The following APBA1 variants were observed in gnomAD, a reference collection of about 807,000 sequenced individuals.
The protein encoded by APBA1 is amyloid beta precursor protein binding family A member 1.
A neutral mutation model predicts 86.6 loss-of-function variants in APBA1; 55 were observed. The ratio of observed to expected loss-of-function variants is 0.64; its 90% confidence interval spans 0.51 to 0.80. APBA1 has a LOEUF of 0.80. Ranked by LOEUF, APBA1 falls within the 30% of genes least tolerant of loss-of-function variation. The pLI is 0.00. For missense variants in APBA1, 1,090 were observed against 1,183.0 expected (o/e 0.92, Z 1.15); for synonymous variants, 511 against 493.9 (o/e 1.03, Z -0.46).
In APBA1 at chr9:69,626,902, G is replaced by GAA. The variant is rs11380646; in HGVS notation, c.-70+45249_-70+45250dup. ...CAGTGGGAGAAGAGTAGCACCTACA[G>GAA]AAAAAAAAAAAAAACTTGGACAATT... On this transcript the variant is annotated intron_variant, in intron 1 of 12. Transcript: ENST00000265381. Among the ~76,000 whole-genome samples, 759 of 120,618 alleles carry GAA rather than the reference G, an allele frequency of 6.3e-3. 5 individuals are homozygous for GAA. The highest frequency in any genetic ancestry group is 0.014 in the Middle Eastern group (3 of 212). 79.1% of individuals were successfully genotyped at this position (120,618 alleles called of 152,430 possible).
chr9:69,596,722 C>T (rs921222483), intron 1 of APBA1, among the ~76,000 whole-genome samples: 1 of 152,190 alleles, frequency 6.6e-6, no homozygotes, highest in Non-Finnish European at 1.5e-5. Context: ...GCCACATATC[C>T]AACTAAATAT....
intron 1 of APBA1, among the ~76,000 whole-genome samples, chr9:69,575,308 T>TC (rs1325050468): frequency 2.6e-5 from 4 of 152,060 alleles, no homozygotes; most frequent in African/African-American, 4.8e-5. Flanking sequence ...TTCAATGCCA[T>TC]CCCCATCAAG....
chr9:69,441,260 G>C, intron 10 of APBA1, 145 bp from the exon 11 acceptor site: 1 of 994,090 alleles, frequency 1.0e-6, no homozygotes, highest in South Asian at 1.7e-5. Flanking sequence ...TCTGGTGCCT[G>C]GGCTGGTACA....
intron 2 of APBA1, among the ~76,000 whole-genome samples, chr9:69,503,953 C>T (rs1835915829): frequency 6.6e-6 from 1 of 152,064 alleles, no homozygotes; most frequent in Admixed American, 6.5e-5. Context: ...GAAGAGCAAT[C>T]CTCTGGTAGT....
At chr9:69,476,277 T>TAA (rs1835445153) in intron 2 of APBA1, 134 bp from the exon 3 acceptor site, 1 of 608,584 alleles carries the variant, frequency 1.6e-6, no homozygotes, top group Admixed American at 3.1e-5. Flanking sequence ...GAAAACCTCT[T>TAA]AAAAAGGAGC....
At chr9:69,457,228 C>A (rs1835114528) in intron 6 of APBA1, 89 bp from the exon 7 acceptor site, 1 of 954,536 alleles carries the variant, frequency 1.0e-6, no homozygotes, top group East Asian at 2.4e-5. Context: ...CACAGAGGCA[C>A]CACGACACAG....
intron 1 of APBA1, among the ~76,000 whole-genome samples, chr9:69,631,962 G>A (rs549129102): frequency 5.3e-5 from 8 of 152,080 alleles, no homozygotes; most frequent in Admixed American, 2.6e-4. Flanking sequence ...ATGAGTTAAC[G>A]GGTGCAGCAA....
chr9:69,560,247 C>T (rs1836928153), intron 1 of APBA1, among the ~76,000 whole-genome samples: 1 of 152,104 alleles, frequency 6.6e-6, no homozygotes, highest in African/African-American at 2.4e-5. Context: ...TTCTTTTGAT[C>T]TTTATTATGA....
intron 2 of APBA1, among the ~76,000 whole-genome samples, chr9:69,514,006 A>G (rs1224409321): frequency 6.6e-6 from 1 of 152,228 alleles, no homozygotes; most frequent in African/African-American, 2.4e-5. Context: ...GGAAAGGGAG[A>G]GTAGAAGCAG....
chr9:69,482,929 T>C (rs1835540676), intron 2 of APBA1, among the ~76,000 whole-genome samples: 1 of 124,240 alleles, frequency 8.0e-6, no homozygotes, highest in East Asian at 2.4e-4. Context: ...TGAGATCGCA[T>C]GGACACAGGA....
intron 1 of APBA1, among the ~76,000 whole-genome samples, chr9:69,568,512 C>T (rs1228863784): frequency 1.3e-5 from 2 of 152,224 alleles, no homozygotes. Context: ...AACCAACCTT[C>T]CCCCAGGCTT....
At chr9:69,450,509 G>C (rs2133807386) in intron 9 of APBA1, among the ~76,000 whole-genome samples, 1 of 152,218 alleles carries the variant, frequency 6.6e-6, no homozygotes, top group African/African-American at 2.4e-5. Flanking sequence ...TGTATTTTTG[G>C]GGGGCTTGAC....
At chr9:69,645,773 G>A (rs76063094) in intron 1 of APBA1, among the ~76,000 whole-genome samples, 6,373 of 152,270 alleles carry the variant, frequency 0.042, 481 homozygotes, top group African/African-American at 0.14. Context: ...GACAGGTCAC[G>A]TGGCATCGAG....
intron 1 of APBA1, among the ~76,000 whole-genome samples, chr9:69,522,001 C>T (rs1311776105): frequency 1.3e-5 from 2 of 151,620 alleles, no homozygotes; most frequent in Non-Finnish European, 2.9e-5. Context: ...CCTTTGTGCC[C>T]GCTGTGCTTT....
intron 2 of APBA1, among the ~76,000 whole-genome samples, chr9:69,492,884 G>A (rs993308262): frequency 6.6e-6 from 1 of 152,020 alleles, no homozygotes; most frequent in Non-Finnish European, 1.5e-5. Flanking sequence ...AGAAATTCAT[G>A]GTAATGAAGG....
rs142682234 is a variant in APBA1 at position 69,561,039 on chromosome 9, T to C, written c.-69-43760A>G. ...TAACTAAATATGACAATAGAGATTCTACACATGTGGAATATATAATGTTGC... is the reference window on the plus strand; with the variant it reads ...TAACTAAATATGACAATAGAGATTCCACACATGTGGAATATATAATGTTGC... On this transcript the variant is annotated intron_variant, in intron 1 of 12. Transcript: ENST00000265381. 9.4e-3 allele frequency among the ~76,000 whole-genome samples: 1,436 copies of C among 152,336 alleles called. 22 individuals are homozygous for C. The highest frequency in any genetic ancestry group is 0.033 in the African/African-American group (1,365 of 41,568).
At chr9:69,597,587 C>T (rs1822254459) in intron 1 of APBA1, among the ~76,000 whole-genome samples, 1 of 152,164 alleles carries the variant, frequency 6.6e-6, no homozygotes. Flanking sequence ...AGTCCTTGCC[C>T]ATGCCTATGT....
chr9:69,618,994 G>C (rs552104705), intron 1 of APBA1, among the ~76,000 whole-genome samples: 1 of 152,306 alleles, frequency 6.6e-6, no homozygotes, highest in East Asian at 1.9e-4. Context: ...GCAGTCTGCA[G>C]AGCAGCTAGT....
At chr9:69,465,302 C>T (rs1407154036) in intron 5 of APBA1, 3 of 152,200 alleles carry the variant, frequency 2.0e-5, no homozygotes, top group Non-Finnish European at 4.4e-5. Flanking sequence ...TGTGCTTCCA[C>T]CAAACCTGGG....
Sources: allele counts gnomAD v4.1 joint callset (sites outside exome capture counted in the v4.1 genomes callset), GRCh38; gene constraint gnomAD v4.1.1; transcripts MANE v1.5; gene names NCBI Gene and HGNC (gene_info 2026-07-23, HGNC 2026-07-21).